DNAAF8: variants seen among roughly 807,000 people sequenced by gnomAD.
DNAAF8 encodes the protein dynein axonemal assembly factor 8, also known as dynein axonemal-associated protein 1.
Under a neutral mutation model 54.6 loss-of-function variants are expected in DNAAF8, and 61 were observed. The observed-to-expected ratio is 1.12, with a 90% CI of 0.91 to 1.38. The LOEUF (loss-of-function observed/expected upper bound fraction) is 1.38, where lower values mean the gene tolerates loss of function less well. Ranked by LOEUF, DNAAF8 falls within the 40% of genes most tolerant of loss-of-function variation. The probability of loss-of-function intolerance (pLI) is 0.00; values close to 1 mark genes in which losing one functional copy is unlikely to be tolerated. For synonymous variants in DNAAF8, 320 were observed against 270.1 expected, an observed-to-expected ratio of 1.18 and a Z score of -1.81; for missense variants, 837 against 665.0, an observed-to-expected ratio of 1.26 and a Z score of -2.85.
Position 4,745,700 on chromosome 16 carries a change from C to T in DNAAF8, c.1044-675C>T, listed in dbSNP as rs571051000. Among the ~76,000 whole-genome samples the T allele has an allele frequency of 5.3e-5, 8 of 152,232 alleles. No homozygotes were observed. The East Asian group carries it at 5.8e-4, about 11-fold the overall frequency. On this transcript the variant is annotated intron_variant, in intron 6 of 9. Transcript: ENST00000299320. The stretch of plus-strand genomic sequence containing the variant: ...GCGCGGTGGCTCATGCCTATAATCC[C>T]GGCACTTTGGAAGGCCGAGGCAGGC...
In DNAAF8 at chr16:4,743,054, G is replaced by A. The variant is rs199729136; in HGVS notation, c.795G>A (p.Ala265=). The change falls in exon 5 of 10, where the codon GCG becomes GCA. Residue 265 remains alanine, a synonymous_variant. Transcript: ENST00000299320. The stretch of plus-strand genomic sequence containing the variant: ...TTTAATGATTTCAGCAACTTGAAGC[G>A]TGGGATTTGGATGACATCCTTCAGA... The part of the protein sequence containing the change: ...PPVLSLQQLE[A]WDLDDILQSL... 31 of 1,609,540 alleles carry A rather than the reference G, an allele frequency of 1.9e-5. No homozygotes were observed. The highest frequency in any genetic ancestry group is 5.3e-5 in the African/African-American group (4 of 74,866).
At chr16:4,738,676 A>T (rs552764175) in intron 3 of DNAAF8, among the ~76,000 whole-genome samples, 1 of 152,286 alleles carries the variant, frequency 6.6e-6, no homozygotes, top group East Asian at 1.9e-4. Flanking sequence ...TGAAGTCAGG[A>T]GTTTGAGACC....
chr16:4,740,275 C>T lies in DNAAF8; in HGVS notation c.399C>T (p.Val133=). ...PGRPFESSGE[V]SALLGMAEEP... ...GGCCTTTTGAAAGCTCTGGTGAGGT[C>T]AGCGCTCTTCTTGGGATGGCCGAGG... Residue 133 remains valine, a synonymous_variant, in exon 4 of 10, where the codon GTC becomes GTT. Transcript: ENST00000299320. 2 of 1,614,002 alleles carry T rather than the reference C, an allele frequency of 1.2e-6. No individual in the cohort carries two copies. The highest frequency in any genetic ancestry group is 1.7e-6 in the Non-Finnish European group (2 of 1,179,978).
Position 4,743,034 on chromosome 16 carries a change from T to C in DNAAF8, c.784-9T>C, listed in dbSNP as rs771727509. 1 of 1,592,442 alleles carries C rather than the reference T, an allele frequency of 6.3e-7. No individual in the cohort carries two copies. Among genetic ancestry groups the C allele is most frequent in the East Asian group, 2.2e-5 (1 of 44,652 alleles). ...GCATCCTCATAATCACTGGTTTTAA[T>C]GATTTCAGCAACTTGAAGCGTGGGA... On this transcript the variant is annotated splice_polypyrimidine_tract_variant and intron_variant, in intron 4 of 9. Coordinates refer to ENST00000299320, the MANE Select transcript of DNAAF8 (RefSeq NM_139170.3).
At chr16:4,745,906 T>TGATGC (rs2082009496) in intron 6 of DNAAF8, among the ~76,000 whole-genome samples, 1 of 144,190 alleles carries the variant, frequency 6.9e-6, no homozygotes, top group Non-Finnish European at 1.5e-5. Flanking sequence ...GTGACCAAGA[T>TGATGC]CATGCCACTG....
intron 7 of DNAAF8, 180 bp from the exon 8 acceptor site, chr16:4,746,747 A>G: frequency 1.3e-6 from 1 of 750,938 alleles, no homozygotes; most frequent in Non-Finnish European, 2.1e-6. Flanking sequence ...CAACACGTCT[A>G]GGCTGGAGGG....
chr16:4,745,657 G>C (rs944061433), intron 6 of DNAAF8, among the ~76,000 whole-genome samples: 2 of 152,172 alleles, frequency 1.3e-5, no homozygotes, highest in African/African-American at 4.8e-5. Flanking sequence ...CCTAACAGAA[G>C]TGGCTACACC....
At chr16:4,747,178 C>T (rs1049954827) in intron 8 of DNAAF8, 153 bp downstream of exon 8, 2 of 1,205,000 alleles carry the variant, frequency 1.7e-6, no homozygotes, top group Non-Finnish European at 1.2e-6. Flanking sequence ...TCATCCTGCC[C>T]ACGTCCACTG....
chr16:4,746,151 T>C (rs747266819), intron 6 of DNAAF8: 5 of 486,368 alleles, frequency 1.0e-5, no homozygotes, highest in African/African-American at 1.9e-5. Context: ...TTACCACAGA[T>C]AGAGAGCATG....
Position 4,744,973 on chromosome 16 carries a change from C to G in DNAAF8, c.1005C>G (p.Asp335Glu). 1 of 1,614,046 alleles carries G rather than the reference C, an allele frequency of 6.2e-7. No individual in the cohort carries two copies. Among genetic ancestry groups the G allele is most frequent in the Non-Finnish European group, 8.5e-7 (1 of 1,180,010 alleles). The change falls in exon 6 of 10, where the codon GAC becomes GAG. Residue 335 changes from aspartate to glutamate, a missense_variant. By Grantham distance (45) the Asp-to-Glu change is conservative. Transcript: ENST00000299320. Reference sequence around the variant, plus strand: ...CTTGTGCCCGGAAGGTGCCTGCCGACACTCCCCAGGACACCAAAGAGGCAG... The same window carrying G: ...CTTGTGCCCGGAAGGTGCCTGCCGAGACTCCCCAGGACACCAAAGAGGCAG... ...ASACARKVPA[D>E]TPQDTKEADS...
At chr16:4,744,837 CCA>C in intron 5 of DNAAF8, 31 bp from the exon 6 acceptor site, 1 of 1,599,002 alleles carries the variant, frequency 6.3e-7, no homozygotes, top group African/African-American at 1.3e-5. Flanking sequence ...GGCCAAGTCC[CCA>C]CTAATCAGCC....
At chr16:4,735,678 C>G (rs1219678674) in intron 1 of DNAAF8, among the ~76,000 whole-genome samples, 4 of 151,928 alleles carry the variant, frequency 2.6e-5, no homozygotes, top group African/African-American at 7.3e-5. Flanking sequence ...AAACTGTCAG[C>G]CAGGCGCGAT....
intron 4 of DNAAF8, among the ~76,000 whole-genome samples, chr16:4,742,130 C>T (rs1179329975): frequency 6.6e-6 from 1 of 152,198 alleles, no homozygotes; most frequent in Non-Finnish European, 1.5e-5. Flanking sequence ...ACTCACTCTG[C>T]CCCTAAGCAC....
intron 3 of DNAAF8, 56 bp downstream of exon 3, chr16:4,738,002 G>T (rs1398481011): frequency 6.4e-7 from 1 of 1,573,208 alleles, no homozygotes; most frequent in Middle Eastern, 1.7e-4. Flanking sequence ...AGTCTAAACT[G>T]ACTGGTCTAA....
chr16:4,739,262 C>CTTGTTTTTTTTTTT (rs2081930858), intron 3 of DNAAF8, among the ~76,000 whole-genome samples: 1 of 36,240 alleles, frequency 2.8e-5, no homozygotes, highest in Non-Finnish European at 7.0e-5. Context: ...ATGATTTTTT[C>CTTGTTTTTTTTTTT]TTGTTTTTTT....
At chr16:4,739,969 G>A (rs1282786338) in intron 3 of DNAAF8, among the ~76,000 whole-genome samples, 184 bp from the exon 4 acceptor site, 1 of 151,622 alleles carries the variant, frequency 6.6e-6, no homozygotes, top group Non-Finnish European at 1.5e-5. Flanking sequence ...TGAAGTGGGA[G>A]GATCGCCTGG....
intron 5 of DNAAF8, chr16:4,743,409 C>T (rs1165791165): frequency 7.9e-6 from 3 of 378,212 alleles, no homozygotes; most frequent in East Asian, 1.1e-4. Flanking sequence ...GCCTCCGCAC[C>T]CCACCCCATG....
chr16:4,746,918 T>C lies in DNAAF8; in HGVS notation c.1182-9T>C. 1 of 1,541,924 alleles carries C rather than the reference T, an allele frequency of 6.5e-7. No homozygotes were observed. The highest frequency in any genetic ancestry group is 8.7e-7 in the Non-Finnish European group (1 of 1,146,308). On this transcript the variant is annotated splice_polypyrimidine_tract_variant and intron_variant, in intron 7 of 9. Transcript: ENST00000299320. ...GGGCACATCCAGAAACCCATTTCTC[T>C]CCCTGCAGCTCCAGCCACAGCTCCT...
At position 4,740,487 on chromosome 16, in the gene DNAAF8, G is replaced by T. The variant is rs1202122209; in HGVS notation, c.611G>T (p.Arg204Met). 6.2e-7 allele frequency: 1 copy of T among 1,614,110 alleles called. No homozygotes were observed. Among genetic ancestry groups the T allele is most frequent in the Non-Finnish European group, 8.5e-7 (1 of 1,180,004 alleles). The part of the protein sequence containing the change: ...VNRRALRQER[R>M]KMIETDILQK... ...CGCCGGGCCCTCCGACAGGAGAGAA[G>T]GAAGATGATAGAGACGGACATCCTC... is the stretch of plus-strand genomic sequence containing the variant. The change falls in exon 4 of 10, where the codon AGG becomes ATG. Residue 204 changes from arginine to methionine, a missense_variant. Physicochemically the swap from Arg to Met is moderately conservative, Grantham distance 91. Coordinates refer to ENST00000299320, the MANE Select transcript of DNAAF8 (RefSeq NM_139170.3).
Sources: gnomAD v4.1 joint callset for allele counts (sites outside exome capture counted in the v4.1 genomes callset) on GRCh38, gnomAD v4.1.1 for gene constraint, MANE v1.5 for transcripts, NCBI Gene and HGNC (gene_info 2026-07-23, HGNC 2026-07-21) for gene names.